ATAD3A: variants seen among roughly 807,000 people sequenced by gnomAD.
ATAD3A encodes the protein ATPase family AAA domain containing 3A.
ATAD3A carries 46 observed loss-of-function variants against 73.8 expected under a neutral mutation model. The ratio of observed to expected loss-of-function variants is 0.62; its 90% confidence interval spans 0.49 to 0.80. The LOEUF is 0.80. Among genes scored for constraint, ATAD3A ranks in the 30% least tolerant of loss-of-function variants. The pLI, the probability that ATAD3A is intolerant of heterozygous loss-of-function variation, is 0.00. For missense variants in ATAD3A, 705 were observed against 838.0 expected, an observed-to-expected ratio of 0.84 and a Z score of 1.96; for synonymous variants, 319 against 350.0, an observed-to-expected ratio of 0.91 and a Z score of 0.99.
Position 1,525,182 on chromosome 1 carries a change from T to C in ATAD3A, c.1215-58T>C, listed in dbSNP as rs532495854. ...GCCTGCTCCTGCCGCGGCCGGACGC[T>C]GCTGTGGGCTGCTCCTGGTGTCACT... On this transcript the variant is annotated intron_variant, in intron 11 of 15. Coordinates refer to ENST00000378756, the MANE Select transcript of ATAD3A (RefSeq NM_001170535.3). 481 of 1,610,588 alleles carry C rather than the reference T, an allele frequency of 3.0e-4. 1 individual carries two copies. Among genetic ancestry groups the C allele is most frequent in the Middle Eastern group, 2.9e-3 (15 of 5,090 alleles).
intron 15 of ATAD3A, 59 bp downstream of exon 15, chr1:1,529,390 A>G: frequency 2.0e-6 from 3 of 1,513,090 alleles, no homozygotes; most frequent in Non-Finnish European, 1.8e-6. Flanking sequence ...GGAGATGCTC[A>G]GTTGCGCCAG....
In ATAD3A at chr1:1,533,921, A is replaced by G. The variant is rs1432909987; in HGVS notation, c.1615-5A>G. The G allele has an allele frequency of 3.1e-6, 5 of 1,611,852 alleles. No individual in the cohort carries two copies. Among genetic ancestry groups the G allele is most frequent in the Non-Finnish European group, 3.4e-6 (4 of 1,179,592 alleles). On this transcript the variant is annotated splice_region_variant and splice_polypyrimidine_tract_variant and intron_variant, in intron 15 of 15. Transcript: ENST00000378756. ...GCCTCCCTCAGCTGCCTCTCTCCCC[A>G]CTAGGCCACGGCGTATGCCTCCGAG...
At position 1,525,264 on chromosome 1, in the gene ATAD3A, G is replaced by T. The variant is rs138094382; in HGVS notation, c.1239G>T (p.Ala413=). 1.2e-6 allele frequency: 2 copies of T among 1,613,850 alleles called. No individual in the cohort carries two copies. Among genetic ancestry groups the T allele is most frequent in the South Asian group, 1.1e-5 (1 of 91,078 alleles). The part of the protein sequence containing the change: ...RRGLLLFVDE[A]DAFLRKRATE... ...GCCTCCTGCTCTTTGTGGATGAAGC[G>T]GACGCCTTCCTTCGGAAGCGAGCCA... Residue 413 remains alanine (A), a synonymous_variant, in exon 12 of 16, where the codon GCG becomes GCT. Transcript: ENST00000378756.
At chr1:1,518,491 T>C (rs1177634133) in intron 4 of ATAD3A, among the ~76,000 whole-genome samples, 1 of 68,186 alleles carries the variant, frequency 1.5e-5, no homozygotes, top group Non-Finnish European at 2.7e-5. Context: ...CCCGCACACA[T>C]GGGCACGCAC....
At position 1,529,259 on chromosome 1, in the gene ATAD3A, G is replaced by A. The variant is rs756882726; in HGVS notation, c.1542G>A (p.Lys514=). Residue 514 remains lysine (K), a synonymous_variant, in exon 15 of 16, where the codon AAG becomes AAA. Coordinates refer to ENST00000378756, the MANE Select transcript of ATAD3A (RefSeq NM_001170535.3). ...LKLAQFDYGR[K]CSEVARLTEG... is the part of the protein sequence containing the mutation. ...TGGCCCAGTTTGACTACGGGAGGAAGTGCTCGGAGGTCGCTCGGCTGACGG... is the reference window on the plus strand; with the variant it reads ...TGGCCCAGTTTGACTACGGGAGGAAATGCTCGGAGGTCGCTCGGCTGACGG... 2 of 1,608,908 alleles carry A rather than the reference G, an allele frequency of 1.2e-6. No homozygotes were observed. Among genetic ancestry groups the A allele is most frequent in the Admixed American group, 3.4e-5 (2 of 59,070 alleles).
rs375564542 is a variant in ATAD3A, at chr1:1,527,278, C to T, written c.1338-417C>T. ...GTGGATGCTCCCTGGAGCCCTGACTCGGGTCCTTCCCAGAGAGGCAAGGCT... is the reference window on the plus strand; with the variant it reads ...GTGGATGCTCCCTGGAGCCCTGACTTGGGTCCTTCCCAGAGAGGCAAGGCT... On this transcript the variant is annotated intron_variant, in intron 13 of 15. Transcript: ENST00000378756. The T allele has an allele frequency of 3.6e-5, 44 of 1,237,106 alleles. No homozygotes were observed. The African/African-American group carries it at 4.9e-4, about 14-fold the overall frequency. The allele number at this position is 1,237,106 out of a possible 1,614,324, so 76.6% of individuals were successfully genotyped here. A position where few individuals can be genotyped will look rare whatever the true frequency, so the allele number is the denominator to read the frequency against.
rs777924497 is a variant in ATAD3A, at chr1:1,524,306, A to G, written c.1123A>G (p.Ile375Val). ...CCTGCACTCAGGCATGGACTACGCC[A>G]TCATGACAGGCGGGGACGTGGCCCC... is the stretch of plus-strand genomic sequence containing the variant. ...LALHSGMDYA[I>V]MTGGDVAPMG... Residue 375 changes from isoleucine to valine, a missense_variant, in exon 11 of 16, where the codon ATC (isoleucine) becomes GTC (valine). Physicochemically the swap from Ile to Val is conservative, Grantham distance 29. Transcript: ENST00000378756. 4 of 1,613,750 alleles carry G rather than the reference A, an allele frequency of 2.5e-6. No homozygotes were observed. Among genetic ancestry groups the G allele is most frequent in the Admixed American group, 1.7e-5 (1 of 60,016 alleles).
chr1:1,527,558 G>C (rs1641890895), intron 13 of ATAD3A, 137 bp from the exon 14 acceptor site: 1 of 1,253,328 alleles, frequency 8.0e-7, no homozygotes, highest in African/African-American at 1.5e-5. Context: ...GGGGCAGGTG[G>C]CCGACCAGGG....
rs1466216805 is a variant in ATAD3A at position 1,520,133 on chromosome 1, T to C, written c.515-8T>C. On this transcript the variant is annotated splice_polypyrimidine_tract_variant and splice_region_variant and intron_variant, in intron 5 of 15. Coordinates refer to ENST00000378756, the MANE Select transcript of ATAD3A (RefSeq NM_001170535.3). This position sits in a 1 kb window ranked among gnomAD's most constrained non-coding sequence, Gnocchi z 4.0. ...ATGGTGCTGAGCTGCCCTGCCTCTC[T>C]GGGGCAGCCACCGTGGAGCGGGAGA... 6.2e-7 allele frequency: 1 copy of C among 1,608,668 alleles called. No individual in the cohort carries two copies. The highest frequency in any genetic ancestry group is 8.5e-7 in the Non-Finnish European group (1 of 1,178,828).
chr1:1,518,340 C>T (rs567527138), intron 4 of ATAD3A, among the ~76,000 whole-genome samples: 147 of 131,696 alleles, frequency 1.1e-3, no homozygotes, highest in African/African-American at 3.9e-3. Context: ...CACTGGCACC[C>T]GCGCACTCGG....
At chr1:1,531,196 T>C (rs1177192962) in intron 15 of ATAD3A, among the ~76,000 whole-genome samples, 1 of 152,136 alleles carries the variant, frequency 6.6e-6, no homozygotes, top group African/African-American at 2.4e-5. Flanking sequence ...GGCTCACACC[T>C]GTAATCCTAG....
chr1:1,533,748 G>A (rs915466892), intron 15 of ATAD3A, among the ~76,000 whole-genome samples, 178 bp from the exon 16 acceptor site: 12 of 151,420 alleles, frequency 7.9e-5, no homozygotes, highest in Non-Finnish European at 1.2e-4. Context: ...GCACTGCAGG[G>A]GCTGCTCCCG....
rs1641667437 is a variant in ATAD3A at position 1,523,219 on chromosome 1, G to A, written c.907-292G>A. On this transcript the variant is annotated intron_variant, in intron 8 of 15. Coordinates refer to ENST00000378756, the MANE Select transcript of ATAD3A (RefSeq NM_001170535.3). This position sits in a 1 kb window ranked among gnomAD's most constrained non-coding sequence, Gnocchi z 5.1. ...AAGCTGCTACAGGCCACGGCGTCTG[G>A]TGGCCTCCCTGGGGAGCCGCGCCGC... 6.6e-6 allele frequency among the ~76,000 whole-genome samples: 1 copy of A among 152,044 alleles called. No homozygotes were observed. The highest frequency in any genetic ancestry group is 1.5e-5 in the Non-Finnish European group (1 of 68,010).
chr1:1,517,272 C>T, intron 2 of ATAD3A, 39 bp from the exon 3 acceptor site: 1 of 1,547,264 alleles, frequency 6.5e-7, no homozygotes. Context: ...CAGTGCCAGC[C>T]CTGAGCAAGT....
At chr1:1,525,649 C>G (rs1406702021) in intron 12 of ATAD3A, among the ~76,000 whole-genome samples, 1 of 152,118 alleles carries the variant, frequency 6.6e-6, no homozygotes. Context: ...CTCCTGACCT[C>G]GTGATCCTCC....
rs544751902 is a variant in ATAD3A, at chr1:1,523,017, C to T, written c.906+118C>T. On this transcript the variant is annotated intron_variant, in intron 8 of 15. Coordinates refer to ENST00000378756, the MANE Select transcript of ATAD3A (RefSeq NM_001170535.3). This position sits in a 1 kb window ranked among gnomAD's most constrained non-coding sequence, Gnocchi z 5.1. ...TCCCTTTCCCCGGATAACGGGCACCCGCACACTGCTTCACGGGTGGGTTTT... is the reference window on the plus strand; with the variant it reads ...TCCCTTTCCCCGGATAACGGGCACCTGCACACTGCTTCACGGGTGGGTTTT... 387 of 1,488,346 alleles carry T rather than the reference C, an allele frequency of 2.6e-4. 4 individuals are homozygous for T. The African/African-American group carries it at 4.7e-3, about 18-fold the overall frequency. 92.2% of individuals were successfully genotyped at this position (1,488,346 alleles called of 1,614,324 possible). A position where few individuals can be genotyped will look rare whatever the true frequency, so the allele number is the denominator to read the frequency against.
chr1:1,529,806 TCTTCGGGGACACCCCTCCTGCAG>T (rs1176656641), intron 15 of ATAD3A, among the ~76,000 whole-genome samples: 2 of 152,224 alleles, frequency 1.3e-5, no homozygotes, highest in Non-Finnish European at 2.9e-5. Context: ...AGCCAGTTGT[TCTTCGGGGACACCCCTCCTGCAG>T]CTCCGTGGCT....
rs528419541 is a variant in ATAD3A, at chr1:1,523,360, G to C, written c.907-151G>C. On this transcript the variant is annotated intron_variant, in intron 8 of 15. Coordinates refer to ENST00000378756, the MANE Select transcript of ATAD3A (RefSeq NM_001170535.3). This position sits in a 1 kb window ranked among gnomAD's most constrained non-coding sequence, Gnocchi z 5.1. The stretch of plus-strand genomic sequence containing the variant: ...TCCCAGCAATAGCCGCCTGGTCTCC[G>C]GGCGGGGCAGGGTTCCAGCTCCGGG... 1.5e-4 allele frequency: 193 copies of C among 1,314,664 alleles called. No individual in the cohort carries two copies. The highest frequency in any genetic ancestry group is 1.1e-3 in the South Asian group (80 of 71,390). The allele number at this position is 1,314,664 out of a possible 1,614,324, so 81.4% of individuals were successfully genotyped here.
At chr1:1,515,396 G>C (rs1468854940) in intron 1 of ATAD3A, among the ~76,000 whole-genome samples, 1 of 152,206 alleles carries the variant, frequency 6.6e-6, no homozygotes, top group Non-Finnish European at 1.5e-5. Context: ...TTATGGTAAA[G>C]TTTTATGATG....
Sources: gnomAD v4.1 joint callset for allele counts (sites outside exome capture counted in the v4.1 genomes callset) on GRCh38, gnomAD v4.1.1 for gene constraint, Gnocchi (gnomAD v3.1) non-coding constraint, MANE v1.5 for transcripts, NCBI Gene and HGNC (gene_info 2026-07-23, HGNC 2026-07-21) for gene names.